Variants in LMNB1 observed in about 807,000 individuals in gnomAD.
LMNB1 encodes the protein lamin B1.
In LMNB1, 23 loss-of-function variants were observed where a neutral mutation model predicts 67.1. That is an observed-to-expected ratio of 0.34 (90% CI 0.25 to 0.49). The LOEUF is 0.49. LMNB1 is among the 20% of genes least tolerant of loss of function. The probability of loss-of-function intolerance (pLI) is 0.99; values close to 1 mark genes in which losing one functional copy is unlikely to be tolerated. For missense variants in LMNB1, 634 were observed against 746.5 expected, an observed-to-expected ratio of 0.85 and a Z score of 1.76; for synonymous variants, 281 against 282.9, an observed-to-expected ratio of 0.99 and a Z score of 0.07.
At position 126,804,911 on chromosome 5, in the gene LMNB1, T is replaced by C. The variant is rs771236662; in HGVS notation, c.495T>C (p.Asp165=). ...AAAGTTTAGAGGGAGATTTGGAGGA[T>C]CTGAAGGATCAGATTGCCCAGGTAA... is the stretch of plus-strand genomic sequence containing the variant. The part of the protein sequence containing the change: ...DKKSLEGDLE[D]LKDQIAQLEA... The change falls in exon 2 of 11, where the codon GAT becomes GAC. Residue 165 remains aspartate (D), a synonymous_variant. Coordinates refer to ENST00000261366, the MANE Select transcript of LMNB1 (RefSeq NM_005573.4). 3.1e-6 allele frequency: 5 copies of C among 1,614,050 alleles called. No individual in the cohort carries two copies. In the South Asian group the frequency reaches 5.5e-5, roughly 18 times the overall value.
chr5:126,790,970 C>G (rs754089318), intron 1 of LMNB1, among the ~76,000 whole-genome samples: 19 of 152,028 alleles, frequency 1.2e-4, no homozygotes, highest in Non-Finnish European at 2.4e-4. Flanking sequence ...GCAATGAGCC[C>G]AGGTCGCGCC....
rs118053906 is a variant in LMNB1 at position 126,778,946 on chromosome 5, G to A, written c.359+1079G>A. Among the ~76,000 whole-genome samples, 151 of 152,298 alleles carry A rather than the reference G, an allele frequency of 9.9e-4. 2 individuals carry two copies. The East Asian group carries it at 0.026, about 26-fold the overall frequency. On this transcript the variant is annotated intron_variant, in intron 1 of 10. Coordinates refer to ENST00000261366, the MANE Select transcript of LMNB1 (RefSeq NM_005573.4). ...TTTGCTGGCCTTATTTTGACTTTCT[G>A]ATAAGCAAAATGGCCTGTCATCAGT...
Position 126,779,980 on chromosome 5 carries a change from T to G in LMNB1, c.359+2113T>G, listed in dbSNP as rs565051970. Among the ~76,000 whole-genome samples the G allele has an allele frequency of 2.6e-5, 4 of 151,012 alleles. No homozygotes were observed. The South Asian group carries it at 6.3e-4, about 24-fold the overall frequency. ...CCAGGAGGCGGATATTGCAGTGAGC[T>G]GAGATTGCGCCATTGCACCCCAGCC... On this transcript the variant is annotated intron_variant, in intron 1 of 10. Coordinates refer to ENST00000261366, the MANE Select transcript of LMNB1 (RefSeq NM_005573.4).
At chr5:126,812,003 C>A in intron 5 of LMNB1, 105 bp downstream of exon 5, 1 of 1,155,628 alleles carries the variant, frequency 8.7e-7, no homozygotes, top group Non-Finnish European at 1.3e-6. Flanking sequence ...CTGTTTGTTA[C>A]AGAGGATGGT....
chr5:126,782,809 AAG>A (rs1750662823), intron 1 of LMNB1, among the ~76,000 whole-genome samples: 1 of 151,960 alleles, frequency 6.6e-6, no homozygotes, highest in Admixed American at 6.6e-5. Flanking sequence ...CTGCCTCCCA[AAG>A]TGCTGGGATT....
intron 8 of LMNB1, 33 bp from the exon 9 acceptor site, chr5:126,825,955 C>G (rs1291949137): frequency 2.5e-6 from 4 of 1,612,510 alleles, no homozygotes; most frequent in Non-Finnish European, 3.4e-6. Context: ...GAACTGGGTT[C>G]TGGGTGTACT....
chr5:126,788,077 A>T (rs1750854920), intron 1 of LMNB1, among the ~76,000 whole-genome samples: 1 of 152,090 alleles, frequency 6.6e-6, no homozygotes, highest in Non-Finnish European at 1.5e-5. Context: ...TGGATTTAAG[A>T]GATACTGAAC....
chr5:126,815,443 G>A (rs1333157609), intron 5 of LMNB1, among the ~76,000 whole-genome samples: 2 of 152,138 alleles, frequency 1.3e-5, no homozygotes, highest in Admixed American at 6.5e-5. Context: ...GCTTGCCTTA[G>A]AGAAGAGTAC....
intron 1 of LMNB1, among the ~76,000 whole-genome samples, chr5:126,800,982 A>ATAATTTTTTT: frequency 4.3e-3 from 80 of 18,620 alleles, no homozygotes; most frequent in Middle Eastern, 0.056. Context: ...TATATATATA[A>ATAATTTTTTT]TTTTTTTTTT....
chr5:126,796,557 G>C (rs1381744195), intron 1 of LMNB1, among the ~76,000 whole-genome samples: 2 of 152,152 alleles, frequency 1.3e-5, no homozygotes, highest in Non-Finnish European at 2.9e-5. Flanking sequence ...GGTGGTAGAA[G>C]GTGCTTAGGA....
At chr5:126,825,952 G>A (rs1751986055) in intron 8 of LMNB1, 36 bp from the exon 9 acceptor site, 1 of 1,612,288 alleles carries the variant, frequency 6.2e-7, no homozygotes, top group African/African-American at 1.3e-5. Context: ...GGAGAACTGG[G>A]TTCTGGGTGT....
At chr5:126,825,862 C>A in intron 8 of LMNB1, 126 bp from the exon 9 acceptor site, 2 of 1,279,362 alleles carry the variant, frequency 1.6e-6, no homozygotes, top group Non-Finnish European at 1.1e-6. Flanking sequence ...CTGTGTATAG[C>A]ACTCTGTAGC....
intron 8 of LMNB1, among the ~76,000 whole-genome samples, chr5:126,824,853 C>A (rs1751957905): frequency 7.4e-6 from 1 of 135,944 alleles, no homozygotes; most frequent in African/African-American, 2.7e-5. Context: ...CACCCCCCCA[C>A]CCTTTCTTTT....
intron 1 of LMNB1, among the ~76,000 whole-genome samples, chr5:126,790,541 T>C (rs1750926845): frequency 6.6e-6 from 1 of 152,138 alleles, no homozygotes; most frequent in African/African-American, 2.4e-5. Context: ...TCACACCTTT[T>C]GATCACCTAT....
intron 1 of LMNB1, among the ~76,000 whole-genome samples, chr5:126,801,659 G>A (rs1475424255): frequency 3.3e-5 from 5 of 152,182 alleles, no homozygotes; most frequent in Non-Finnish European, 7.3e-5. Flanking sequence ...GAACAATACT[G>A]CATAAAATAT....
At chr5:126,809,429 G>C (rs1004127000) in intron 3 of LMNB1, among the ~76,000 whole-genome samples, 3 of 152,146 alleles carry the variant, frequency 2.0e-5, no homozygotes, top group Non-Finnish European at 4.4e-5. Context: ...GTTCACACCT[G>C]TAATCCCAGC....
chr5:126,784,965 AT>A (rs1359659502), intron 1 of LMNB1, among the ~76,000 whole-genome samples: 1 of 149,128 alleles, frequency 6.7e-6, no homozygotes, highest in Admixed American at 6.7e-5. Context: ...CTCCGCCCGA[AT>A]TTTTAAAAAT....
At chr5:126,795,162 C>G (rs1185417099) in intron 1 of LMNB1, among the ~76,000 whole-genome samples, 1 of 117,810 alleles carries the variant, frequency 8.5e-6, no homozygotes, top group Admixed American at 1.1e-4. Context: ...GGATCTTGCT[C>G]TGTTGCCCAG....
At position 126,820,934 on chromosome 5, in the gene LMNB1, T is replaced by C; in HGVS notation, c.1185T>C (p.Ser395=). The change falls in exon 7 of 11, where the codon TCT becomes TCC. Residue 395 remains serine, a synonymous_variant. Transcript: ENST00000261366. ...GGTTGAAGCTGTCTCCAAGCCCTTC[T>C]TCCCGTGTGACAGTATCCCGAGCAT... The part of the protein sequence containing the change: ...EERLKLSPSP[S]SRVTVSRASS... 6.2e-7 allele frequency: 1 copy of C among 1,614,068 alleles called. No individual in the cohort carries two copies. The highest frequency in any genetic ancestry group is 8.5e-7 in the Non-Finnish European group (1 of 1,179,944).
Sources: allele counts gnomAD v4.1 joint callset (sites outside exome capture counted in the v4.1 genomes callset), GRCh38; gene constraint gnomAD v4.1.1; transcripts MANE v1.5; gene names NCBI Gene and HGNC (gene_info 2026-07-23, HGNC 2026-07-21).